The following OBSL1 variants were observed in gnomAD, a reference collection of about 807,000 sequenced individuals.
OBSL1 encodes the protein obscurin like cytoskeletal adaptor 1.
A neutral mutation model predicts 172.0 loss-of-function variants in OBSL1; 160 were observed. The observed-to-expected ratio is 0.93, with a 90% confidence interval of 0.82 to 1.06. The LOEUF (loss-of-function observed/expected upper bound fraction) is 1.06. Among genes scored for constraint, OBSL1 ranks in the 50% least tolerant of loss-of-function variants. OBSL1 has a pLI of 0.00. For synonymous variants in OBSL1, 1,200 were observed against 1,196.3 expected (o/e 1.00, Z -0.06); for missense variants, 2,681 against 2,715.4 (o/e 0.99, Z 0.28).
chr2:219,570,986 C>T lies in OBSL1; in HGVS notation c.247G>A (p.Val83Met). 2 of 1,367,796 alleles carry T rather than the reference C, an allele frequency of 1.5e-6. No individual in the cohort carries two copies. The highest frequency in any genetic ancestry group is 1.7e-5 in the South Asian group (1 of 58,206). 84.7% of individuals were successfully genotyped at this position (1,367,796 alleles called of 1,614,324 possible). Reference sequence around the variant, plus strand: ...CCGGCCGCGTTGCGGGCGCGGCACACGTAGACCCCCGCGTCGGTGGGCAGT... The same window carrying T: ...CCGGCCGCGTTGCGGGCGCGGCACATGTAGACCCCCGCGTCGGTGGGCAGT... ...AALPTDAGVYVCRARNAAGEA... is the reference protein window; with the variant it reads ...AALPTDAGVYMCRARNAAGEA... Residue 83 changes from valine to methionine, a missense_variant, in exon 1 of 21, where the codon GTG becomes ATG. Physicochemically the swap from Val to Met is conservative, Grantham distance 21. Transcript: ENST00000404537.
rs1696115163 is a variant in OBSL1 at position 219,557,520 on chromosome 2, CT to C, written c.3888del (p.Gly1298AlafsTer63). ...TCCTTGTACCAGCGTACAGGGCCCCCTGGCCCGGAGAGGTGCACCACCAGCT... is the reference window on the plus strand; with the variant it reads ...TCCTTGTACCAGCGTACAGGGCCCCCGGCCCGGAGAGGTGCACCACCAGCT... ...DLELVVHLSG[P>X]GGPVRWYKDG... On this transcript the variant is annotated frameshift_variant, in exon 12 of 21. Coordinates refer to ENST00000404537, the MANE Select transcript of OBSL1 (RefSeq NM_015311.3). LOFTEE classifies it high-confidence loss of function. 6.4e-7 allele frequency: 1 copy of C among 1,553,202 alleles called. No homozygotes were observed. The highest frequency in any genetic ancestry group is 1.2e-5 in the South Asian group (1 of 84,246).
Position 219,553,015 on chromosome 2 carries a change from C to A in OBSL1, c.4999G>T (p.Ala1667Ser). 1 of 1,512,706 alleles carries A rather than the reference C, an allele frequency of 6.6e-7. No individual in the cohort carries two copies. The highest frequency in any genetic ancestry group is 8.8e-7 in the Non-Finnish European group (1 of 1,136,576). The allele number at this position is 1,512,706 out of a possible 1,614,324, so 93.7% of individuals were successfully genotyped here. A position where few individuals can be genotyped will look rare whatever the true frequency, so the allele number is the denominator to read the frequency against. Residue 1667 changes from alanine (A) to serine (S), a missense_variant, in exon 17 of 21, where the codon GCG (alanine) becomes TCG (serine). Ala to Ser is a moderately conservative substitution (Grantham distance 99). Coordinates refer to ENST00000404537, the MANE Select transcript of OBSL1 (RefSeq NM_015311.3). Reference sequence around the variant, plus strand: ...CGGAGCCGCGGGCTAGGCGTAAGCGCGTTCCCGTCCTAGGGGCGGGAGTTG... The same window carrying A: ...CGGAGCCGCGGGCTAGGCGTAAGCGAGTTCCCGTCCTAGGGGCGGGAGTTG... ...ADVTWEKDGN[A>S]LTPSPRLRLQ...
rs1197509269 is a variant in OBSL1 at position 219,553,009 on chromosome 2, T to C, written c.5005A>G (p.Thr1669Ala). 1.3e-6 allele frequency: 2 copies of C among 1,516,920 alleles called. No homozygotes were observed. The highest frequency in any genetic ancestry group is 1.8e-6 in the Non-Finnish European group (2 of 1,138,412). The allele number at this position is 1,516,920 out of a possible 1,614,324, so 94.0% of individuals were successfully genotyped here. A position where few individuals can be genotyped will look rare whatever the true frequency, so the allele number is the denominator to read the frequency against. Residue 1669 changes from threonine (T) to alanine (A), a missense_variant, in exon 17 of 21, where the codon ACG (threonine) becomes GCG (alanine). Physicochemically the swap from Thr to Ala is moderately conservative, Grantham distance 58 (BLOSUM62 0). Coordinates refer to ENST00000404537, the MANE Select transcript of OBSL1 (RefSeq NM_015311.3). Reference protein sequence around the residue: ...VTWEKDGNALTPSPRLRLQAL... With the variant: ...VTWEKDGNALAPSPRLRLQAL... ...TGGAGCCGGAGCCGCGGGCTAGGCGTAAGCGCGTTCCCGTCCTAGGGGCGG... is the reference window on the plus strand; with the variant it reads ...TGGAGCCGGAGCCGCGGGCTAGGCGCAAGCGCGTTCCCGTCCTAGGGGCGG...
rs1559162306 is a variant in OBSL1 at position 219,571,356 on chromosome 2, G to A, written c.-124C>T. On this transcript the variant is annotated 5_prime_UTR_variant, in exon 1 of 21. Transcript: ENST00000404537. ...GGGACTGGGCGCGGGGACCCGCGGA[G>A]CTCTCCCGGGCCTCCCGCTCCCGGC... is the stretch of plus-strand genomic sequence containing the variant. The A allele has an allele frequency of 5.6e-6, 3 of 531,120 alleles. No individual in the cohort carries two copies. Among genetic ancestry groups the A allele is most frequent in the Admixed American group, 4.7e-5 (1 of 21,486 alleles). The allele number at this position is 531,120 out of a possible 1,614,324, so 32.9% of individuals were successfully genotyped here.
chr2:219,549,101 G>C, downstream of OBSL1: 2 of 1,606,082 alleles, frequency 1.2e-6, no homozygotes, highest in Middle Eastern at 1.7e-4. Flanking sequence ...GGGCTCAAGG[G>C]AAACAAGGCG....
At chr2:219,565,585 G>A in intron 5 of OBSL1, 71 bp from the exon 6 acceptor site, 1 of 1,468,978 alleles carries the variant, frequency 6.8e-7, no homozygotes, top group Non-Finnish European at 9.3e-7. Context: ...TGCATCAGAG[G>A]GAACAACTGC....
chr2:219,549,286 C>T (rs1209206456), downstream of OBSL1: 1 of 1,613,922 alleles, frequency 6.2e-7, no homozygotes, highest in East Asian at 2.2e-5. Flanking sequence ...CAGGCCTGGG[C>T]CACCAGACCC....
At position 219,551,698 on chromosome 2, in the gene OBSL1, G is replaced by T. The variant is rs202121208; in HGVS notation, c.5514C>A (p.His1838Gln). 5.7e-5 allele frequency: 92 copies of T among 1,610,928 alleles called. No homozygotes were observed. The highest frequency in any genetic ancestry group is 3.3e-4 in the Middle Eastern group (2 of 6,048). ...LEVTVSRSGG[H>Q]VCWLREGAEL... ...CGGCCCCCTCCCGCAGCCAGCACAC[G>T]TGGCCCCCCGAGCGGGACACAGTCA... Residue 1838 changes from histidine (H) to glutamine (Q), a missense_variant, in exon 20 of 21, where the codon CAC becomes CAA. Physicochemically the swap from His to Gln is conservative, Grantham distance 24. Transcript: ENST00000404537.
At chr2:219,548,725 C>T (rs1180710166), downstream of OBSL1, among the ~76,000 whole-genome samples, 1 of 152,260 alleles carries the variant, frequency 6.6e-6, no homozygotes, top group East Asian at 1.9e-4. Flanking sequence ...GACTTTAAAC[C>T]ACTGGAGAGT....
rs1386324882 is a variant in OBSL1 at position 219,553,033 on chromosome 2, G to A, written c.4990-9C>T. The A allele has an allele frequency of 1.3e-6, 2 of 1,496,552 alleles. No homozygotes were observed. The highest frequency in any genetic ancestry group is 8.9e-7 in the Non-Finnish European group (1 of 1,129,386). 92.7% of individuals were successfully genotyped at this position (1,496,552 alleles called of 1,614,324 possible). The stretch of plus-strand genomic sequence containing the variant: ...GTAAGCGCGTTCCCGTCCTAGGGGC[G>A]GGAGTTGCAGAGGGTCGGGGCGAGC... On this transcript the variant is annotated splice_polypyrimidine_tract_variant and intron_variant, in intron 16 of 20. Transcript: ENST00000404537.
In OBSL1 at chr2:219,562,486, G is replaced by A. The variant is rs754659596; in HGVS notation, c.2869C>T (p.Leu957=). The change falls in exon 8 of 21, where the codon CTG becomes TTG. Residue 957 remains leucine, a synonymous_variant. Transcript: ENST00000404537. Reference sequence around the variant, plus strand: ...GAGTCCTCGAGCTGGACAGCGGGCAGCACCAGGCGGCGGACAGTGTCTTCC... The same window carrying A: ...GAGTCCTCGAGCTGGACAGCGGGCAACACCAGGCGGCGGACAGTGTCTTCC... ...QKEDTVRRLV[L]PAVQLEDSGE... The A allele has an allele frequency of 6.2e-7, 1 of 1,613,918 alleles. No individual in the cohort carries two copies. The highest frequency in any genetic ancestry group is 8.5e-7 in the Non-Finnish European group (1 of 1,179,900).
At chr2:219,554,088 CTGGAG>C (rs1417191314) in intron 15 of OBSL1, 4 of 400,838 alleles carry the variant, frequency 1.0e-5, no homozygotes, top group African/African-American at 4.0e-5. Flanking sequence ...ATTCAAGGGA[CTGGAG>C]TGGTCACGGG....
chr2:219,547,320 C>G, downstream of OBSL1: 4 of 478,988 alleles, frequency 8.4e-6, no homozygotes, highest in African/African-American at 2.0e-5. Context: ...CCATATCTCT[C>G]TAACCTCCCC....
intron 1 of OBSL1, 68 bp downstream of exon 1, chr2:219,570,153 A>G: frequency 7.4e-7 from 1 of 1,348,930 alleles, no homozygotes. Flanking sequence ...GGCACCGAGG[A>G]GGGCTGGAGT....
chr2:219,563,308 G>A, intron 7 of OBSL1, 47 bp downstream of exon 7: 1 of 1,500,218 alleles, frequency 6.7e-7, no homozygotes, highest in South Asian at 1.3e-5. Flanking sequence ...TCCAGTGGGA[G>A]CAGGGGCACC....
Position 219,571,468 on chromosome 2 carries a change from A to C in OBSL1, c.-236T>G, listed in dbSNP as rs2106121991. The C allele has an allele frequency of 3.4e-6, 1 of 298,342 alleles. No individual in the cohort carries two copies. Among genetic ancestry groups the C allele is most frequent in the East Asian group, 5.6e-5 (1 of 18,000 alleles). The allele number at this position is 298,342 out of a possible 1,614,324, so 18.5% of individuals were successfully genotyped here. A position where few individuals can be genotyped will look rare whatever the true frequency, so the allele number is the denominator to read the frequency against. On this transcript the variant is annotated 5_prime_UTR_variant, in exon 1 of 21. Coordinates refer to ENST00000404537, the MANE Select transcript of OBSL1 (RefSeq NM_015311.3). ...GCCCGAAGCCTGGCGCTCAGGGGGC[A>C]GTCCTTCCTGTTTGCCTCTCCAGCG...
chr2:219,557,419 C>T lies in OBSL1; in HGVS notation c.3990G>A (p.Gly1330=). ...ACTCCCCAGCGTCCCCGCTCCGTGC[C>T]CCCTGCACCCGCAGCACCTGCCTGG... ...AGARQVLRVQ[G]ARSGDAGEYL... is the part of the protein sequence containing the mutation. The change falls in exon 12 of 21, where the codon GGG becomes GGA. Residue 1330 remains glycine (G), a synonymous_variant. Coordinates refer to ENST00000404537, the MANE Select transcript of OBSL1 (RefSeq NM_015311.3). 6.5e-7 allele frequency: 1 copy of T among 1,549,134 alleles called. No homozygotes were observed. The highest frequency in any genetic ancestry group is 8.7e-7 in the Non-Finnish European group (1 of 1,147,032).
At chr2:219,556,886 G>T in intron 12 of OBSL1, 163 bp from the exon 13 acceptor site, 1 of 729,288 alleles carries the variant, frequency 1.4e-6, no homozygotes, top group Non-Finnish European at 2.2e-6. Flanking sequence ...CAAGATGCCA[G>T]CTCCCTGCCA....
chr2:219,571,416 TGCGGCGGCG>T lies in OBSL1; in HGVS notation c.-193_-185del, dbSNP rs949845983. The T allele has an allele frequency of 1.0e-4, 36 of 347,204 alleles. No individual in the cohort carries two copies. The highest frequency in any genetic ancestry group is 1.7e-4 in the Non-Finnish European group (33 of 197,786). 21.5% of individuals were successfully genotyped at this position (347,204 alleles called of 1,614,324 possible). A position where few individuals can be genotyped will look rare whatever the true frequency, so the allele number is the denominator to read the frequency against. ...TACCCTCGGCCCCGAGCTGCAGCTC[TGCGGCGGCG>T]GCGGCGGCGATTCCCGGGCCCGAAG... On this transcript the variant is annotated 5_prime_UTR_variant, in exon 1 of 21. Transcript: ENST00000404537.
Sources: allele counts gnomAD v4.1 joint callset (sites outside exome capture counted in the v4.1 genomes callset), GRCh38; gene constraint gnomAD v4.1.1; transcripts MANE v1.5; gene names NCBI Gene and HGNC (gene_info 2026-07-23, HGNC 2026-07-21).